The following TGM7 variants were observed in gnomAD, a reference collection of about 807,000 sequenced individuals.
The protein encoded by TGM7 is transglutaminase 7, also known as protein-glutamine gamma-glutamyltransferase Z.
In TGM7, 74 loss-of-function variants were observed where a neutral mutation model predicts 79.5. The ratio of observed to expected loss-of-function variants is 0.93; its 90% CI spans 0.77 to 1.13. The LOEUF (loss-of-function observed/expected upper bound fraction) is 1.13. Among genes scored for constraint, TGM7 ranks in the 50% most tolerant of loss-of-function variants. The pLI is 0.00. For missense variants in TGM7, 912 were observed against 905.9 expected (o/e 1.01, Z -0.09); for synonymous variants, 354 against 362.5 (o/e 0.98, Z 0.27).
chr15:43,299,977 A>T (rs889889018), intron 1 of TGM7, among the ~76,000 whole-genome samples: 2 of 152,148 alleles, frequency 1.3e-5, no homozygotes, highest in Non-Finnish European at 2.9e-5. Context: ...TGGTCCCAAC[A>T]TATCTCTCCA....
At chr15:43,299,056 T>A (rs1193291180) in intron 1 of TGM7, among the ~76,000 whole-genome samples, 2 of 152,208 alleles carry the variant, frequency 1.3e-5, no homozygotes, top group Non-Finnish European at 2.9e-5. Context: ...GAAGATTTTT[T>A]AAAAAGACTA....
chr15:43,276,572 C>T lies in TGM7; in HGVS notation c.2016G>A (p.Leu672=), dbSNP rs1409253199. 2 of 1,614,038 alleles carry T rather than the reference C, an allele frequency of 1.2e-6. No homozygotes were observed. The highest frequency in any genetic ancestry group is 2.2e-5 in the East Asian group (1 of 44,872). Residue 672 remains leucine (L), a synonymous_variant, in exon 13 of 13, where the codon CTG becomes CTA. Coordinates refer to ENST00000452443, the MANE Select transcript of TGM7 (RefSeq NM_052955.3). ...GTCCAGCTTTGGTCGGGTAGAGGTC[C>T]AGTTGAATTTGGAGGGTGTGTCCGG... ...LVAGHTLQIQ[L]DLYPTKAGPR...
At chr15:43,277,179 A>G (rs2042882562) in intron 11 of TGM7, among the ~76,000 whole-genome samples, 184 bp from the exon 12 acceptor site, 1 of 152,080 alleles carries the variant, frequency 6.6e-6, no homozygotes, top group Non-Finnish European at 1.5e-5. Flanking sequence ...ACAGGCCTGC[A>G]TTAGGTCACA....
intron 11 of TGM7, 110 bp from the exon 12 acceptor site, chr15:43,277,105 G>A (rs2042882161): frequency 2.8e-6 from 4 of 1,404,042 alleles, no homozygotes; most frequent in South Asian, 2.6e-5. Flanking sequence ...CTGCGGCTTA[G>A]AGCTAATGTG....
chr15:43,279,592 G>C (rs766887940), intron 10 of TGM7, 33 bp downstream of exon 10: 1 of 1,539,810 alleles, frequency 6.5e-7, no homozygotes, highest in Non-Finnish European at 8.8e-7. Context: ...TCCCCTCCCT[G>C]TAGGTGCCTT....
chr15:43,279,010 T>G lies in TGM7; in HGVS notation c.1839+107A>C, dbSNP rs1468629717. On this transcript the variant is annotated intron_variant, in intron 11 of 12. Transcript: ENST00000452443. The stretch of plus-strand genomic sequence containing the variant: ...ACCACACCATACTGTGCTGGAGCCA[T>G]CGGTGTGGTGAGAGGTGGGAACAGT... The G allele has an allele frequency of 1.2e-5, 15 of 1,225,170 alleles. No individual in the cohort carries two copies. In the East Asian group the frequency reaches 3.7e-4, roughly 30 times the overall value. The allele number at this position is 1,225,170 out of a possible 1,614,324, so 75.9% of individuals were successfully genotyped here.
chr15:43,289,479 T>A (rs1270392138), intron 4 of TGM7, among the ~76,000 whole-genome samples: 1 of 152,188 alleles, frequency 6.6e-6, no homozygotes, highest in Non-Finnish European at 1.5e-5. Flanking sequence ...GACATGTGGG[T>A]TGGTTCCAAG....
Position 43,279,925 on chromosome 15 carries a change from T to A in TGM7, c.1378A>T (p.Met460Leu). The change falls in exon 10 of 13, where the codon ATG becomes TTG. Residue 460 changes from methionine (M) to leucine (L), a missense_variant. Physicochemically the swap from Met to Leu is conservative, Grantham distance 15. Transcript: ENST00000452443. ...CCCAGCATTTTCCGAGAAGCCTTCATGAAGACAGCTCTCTCCTCAGGGGAT... is the reference window on the plus strand; with the variant it reads ...CCCAGCATTTTCCGAGAAGCCTTCAAGAAGACAGCTCTCTCCTCAGGGGAT... ...EGSPEERAVF[M>L]KASRKMLGPQ... 6.2e-7 allele frequency: 1 copy of A among 1,614,094 alleles called. No individual in the cohort carries two copies. Among genetic ancestry groups the A allele is most frequent in the Non-Finnish European group, 8.5e-7 (1 of 1,180,000 alleles).
At chr15:43,295,517 G>A (rs2042987961) in intron 1 of TGM7, among the ~76,000 whole-genome samples, 1 of 152,202 alleles carries the variant, frequency 6.6e-6, no homozygotes, top group Non-Finnish European at 1.5e-5. Flanking sequence ...CTGAGCCCAG[G>A]AGGTAGAGGT....
intron 10 of TGM7, 80 bp from the exon 11 acceptor site, chr15:43,279,357 A>G (rs2042894450): frequency 1.3e-6 from 2 of 1,493,640 alleles, no homozygotes; most frequent in African/African-American, 1.4e-5. Flanking sequence ...GAGAGGAAAA[A>G]TTAGAATTTT....
intron 11 of TGM7, among the ~76,000 whole-genome samples, chr15:43,277,455 C>T (rs956976091): frequency 4.6e-5 from 7 of 152,262 alleles, no homozygotes; most frequent in Non-Finnish European, 2.9e-5. Flanking sequence ...CGCTCATCAC[C>T]GAGGAAACAG....
chr15:43,288,782 T>C (rs1406567177), intron 4 of TGM7, among the ~76,000 whole-genome samples: 2 of 152,136 alleles, frequency 1.3e-5, no homozygotes, highest in African/African-American at 4.8e-5. Flanking sequence ...ATACAAAAAT[T>C]AGCCGGGCAT....
At chr15:43,286,655 C>A (rs1472508587) in intron 6 of TGM7, among the ~76,000 whole-genome samples, 1 of 152,180 alleles carries the variant, frequency 6.6e-6, no homozygotes, top group Non-Finnish European at 1.5e-5. Flanking sequence ...CATCGAGCTC[C>A]ATAATGTAGC....
At chr15:43,290,546 A>G (rs1025711096) in intron 4 of TGM7, among the ~76,000 whole-genome samples, 6 of 152,178 alleles carry the variant, frequency 3.9e-5, no homozygotes, top group Non-Finnish European at 7.3e-5. Flanking sequence ...TTGGCAATGC[A>G]GGCTCTTTTT....
chr15:43,287,612 A>G lies in TGM7; in HGVS notation c.616T>C (p.Leu206=). The G allele has an allele frequency of 6.2e-7, 1 of 1,614,190 alleles. No homozygotes were observed. The highest frequency in any genetic ancestry group is 8.5e-7 in the Non-Finnish European group (1 of 1,180,038). ...GAACAGTCTTTGGCCGGGTTCTTTAAGTGATACAGGCTCTTGTTCAGGATC... is the reference window on the plus strand; with the variant it reads ...GAACAGTCTTTGGCCGGGTTCTTTAGGTGATACAGGCTCTTGTTCAGGATC... ...FEILNKSLYH[L]KNPAKDCSQR... The change falls in exon 5 of 13, where the codon TTA becomes CTA. Residue 206 remains leucine (L), a synonymous_variant. Transcript: ENST00000452443.
intron 1 of TGM7, among the ~76,000 whole-genome samples, chr15:43,296,261 T>C (rs2042991705): frequency 6.6e-6 from 1 of 151,926 alleles, no homozygotes; most frequent in African/African-American, 2.4e-5. Context: ...CCTTCTCTAC[T>C]AAAGATACAA....
At chr15:43,279,380 A>G in intron 10 of TGM7, 103 bp from the exon 11 acceptor site, 1 of 1,344,212 alleles carries the variant, frequency 7.4e-7, no homozygotes, top group South Asian at 1.4e-5. Context: ...CGTGAGAGGT[A>G]AAAGTGTGTG....
At position 43,276,756 on chromosome 15, in the gene TGM7, G is replaced by C; in HGVS notation, c.1973+106C>G. On this transcript the variant is annotated intron_variant, in intron 12 of 12. Coordinates refer to ENST00000452443, the MANE Select transcript of TGM7 (RefSeq NM_052955.3). ...CCTTTCCTGAGGAGGGTGAGAAAGT[G>C]GGGGCAGAGAGGCACTGCACAGGAG... The C allele has an allele frequency of 2.6e-6, 4 of 1,540,090 alleles. No individual in the cohort carries two copies. The African/African-American group carries it at 4.1e-5, about 16-fold the overall frequency.
intron 9 of TGM7, among the ~76,000 whole-genome samples, chr15:43,280,616 T>A (rs2042902997): frequency 1.3e-5 from 2 of 151,114 alleles, no homozygotes; most frequent in South Asian, 4.2e-4. Context: ...AGAGTGAAAC[T>A]CCGCCTAAAA....
Sources: allele counts gnomAD v4.1 joint callset (sites outside exome capture counted in the v4.1 genomes callset), GRCh38; gene constraint gnomAD v4.1.1; transcripts MANE v1.5; gene names NCBI Gene and HGNC (gene_info 2026-07-23, HGNC 2026-07-21).